The following VIPR2 variants were observed in gnomAD, a reference collection of about 807,000 sequenced individuals.
VIPR2 encodes vasoactive intestinal peptide receptor 2, also known as vasoactive intestinal polypeptide receptor 2.
VIPR2 carries 48 observed loss-of-function variants against 58.0 expected under a neutral mutation model. That is an observed-to-expected ratio of 0.83 (90% CI 0.66 to 1.05). The LOEUF is 1.05. VIPR2 is among the 50% of genes least tolerant of loss of function. VIPR2 has a pLI of 0.00. For synonymous variants in VIPR2, 243 were observed against 235.2 expected, an observed-to-expected ratio of 1.03 and a Z score of -0.30; for missense variants, 534 against 558.0, an observed-to-expected ratio of 0.96 and a Z score of 0.43.
intron 5 of VIPR2, among the ~76,000 whole-genome samples, chr7:159,048,633 A>G (rs912214041): frequency 1.3e-5 from 2 of 151,764 alleles, no homozygotes; most frequent in South Asian, 4.1e-4. Flanking sequence ...TGGATCTGAC[A>G]ACTTTAATGT....
chr7:159,071,658 C>G (rs1856399777), intron 4 of VIPR2, among the ~76,000 whole-genome samples: 1 of 152,314 alleles, frequency 6.6e-6, no homozygotes, highest in South Asian at 2.1e-4. Flanking sequence ...AGAGTTTTCT[C>G]TTTAACTTTA....
At chr7:159,064,030 T>A (rs552219004) in intron 4 of VIPR2, among the ~76,000 whole-genome samples, 1 of 152,024 alleles carries the variant, frequency 6.6e-6, no homozygotes, top group East Asian at 1.9e-4. Flanking sequence ...AGGCGTCCCC[T>A]GAGACTTCCT....
rs543154509 is a variant in VIPR2 at position 159,099,060 on chromosome 7, G to C, written c.357+4697C>G. On this transcript the variant is annotated intron_variant, in intron 4 of 12. Transcript: ENST00000262178. The surrounding 1 kb of genome is among the most constrained non-coding windows in gnomAD (Gnocchi z 4.2). Reference sequence around the variant, plus strand: ...CGCCTGTGCTATGTGCTGTTGCTTCGTCTTGGAAGCGAGTCCCTAAACCAA... The same window carrying C: ...CGCCTGTGCTATGTGCTGTTGCTTCCTCTTGGAAGCGAGTCCCTAAACCAA... Among the ~76,000 whole-genome samples, 1 of 152,366 alleles carries C rather than the reference G, an allele frequency of 6.6e-6. No individual in the cohort carries two copies. Among genetic ancestry groups the C allele is most frequent in the Admixed American group, 6.5e-5 (1 of 15,308 alleles).
intron 2 of VIPR2, 112 bp downstream of exon 2, chr7:159,142,334 T>C (rs1370190963): frequency 6.4e-6 from 5 of 779,544 alleles, no homozygotes; most frequent in Admixed American, 5.1e-5. Context: ...GGCCTTTCTT[T>C]TTCTTTTTTT....
At chr7:159,065,758 G>C (rs372064778) in intron 4 of VIPR2, among the ~76,000 whole-genome samples, 7 of 152,216 alleles carry the variant, frequency 4.6e-5, no homozygotes, top group Admixed American at 2.0e-4. Flanking sequence ...TCCGGTCTCA[G>C]AAACCCTCCG....
chr7:159,068,630 AAGC>A (rs1314092817), intron 4 of VIPR2, among the ~76,000 whole-genome samples: 1 of 152,232 alleles, frequency 6.6e-6, no homozygotes, highest in Non-Finnish European at 1.5e-5. Context: ...GTGAGGGAGA[AAGC>A]AGATCCCGCT....
intron 5 of VIPR2, among the ~76,000 whole-genome samples, chr7:159,051,970 A>G (rs1855036048): frequency 6.6e-6 from 1 of 152,216 alleles, no homozygotes; most frequent in Non-Finnish European, 1.5e-5. Flanking sequence ...TAAAACAATC[A>G]GTAAAGATTT....
chr7:159,042,843 G>T (rs1487806752), intron 6 of VIPR2, among the ~76,000 whole-genome samples, 192 bp downstream of exon 6: 1 of 152,104 alleles, frequency 6.6e-6, no homozygotes, highest in Non-Finnish European at 1.5e-5. Context: ...CTGCCTCAGT[G>T]CCACCCCCAT....
At position 159,031,604 on chromosome 7, in the gene VIPR2, T is replaced by C. The variant is rs1394314610; in HGVS notation, c.1143+224A>G. ...GAGACGGACGGCAGTCGATGCTACTTAGGGTGGACGGAAGGACGGCGGGGT... is the reference window on the plus strand; with the variant it reads ...GAGACGGACGGCAGTCGATGCTACTCAGGGTGGACGGAAGGACGGCGGGGT... On this transcript the variant is annotated intron_variant, in intron 12 of 12. Transcript: ENST00000262178. The surrounding 1 kb of genome is among the most constrained non-coding windows in gnomAD (Gnocchi z 4.0). The C allele has an allele frequency of 2.0e-6, 2 of 985,140 alleles. No individual in the cohort carries two copies. The highest frequency in any genetic ancestry group is 3.5e-5 in the African/African-American group (2 of 57,184). 61.0% of individuals were successfully genotyped at this position (985,140 alleles called of 1,614,324 possible).
intron 3 of VIPR2, among the ~76,000 whole-genome samples, chr7:159,106,055 G>A (rs138762006): frequency 5.9e-5 from 9 of 152,262 alleles, no homozygotes; most frequent in Middle Eastern, 3.4e-3. Flanking sequence ...ACTGGTGAGC[G>A]ATGGGCCAAG....
chr7:159,074,970 TCTATGTCTATGAAAAGTG>T (rs1402336450), intron 4 of VIPR2, among the ~76,000 whole-genome samples: 1 of 152,258 alleles, frequency 6.6e-6, no homozygotes, highest in African/African-American at 2.4e-5. Flanking sequence ...CAGGAGTGTC[TCTATGTCTATGAAAAGTG>T]AACTCAATGA....
rs771162731 is a variant in VIPR2 at position 159,036,011 on chromosome 7, G to C, written c.750C>G (p.Gly250=). Residue 250 remains glycine, a splice_region_variant and synonymous_variant, in exon 8 of 13, where the codon GGC becomes GGG. Coordinates refer to ENST00000262178, the MANE Select transcript of VIPR2 (RefSeq NM_003382.5). ...ATGCACCGATGCAGACGGTGGGGAGGCCTGCAGAGAGACGCCTGGTTACAC... is the reference window on the plus strand; with the variant it reads ...ATGCACCGATGCAGACGGTGGGGAGCCCTGCAGAGAGACGCCTGGTTACAC... The part of the protein sequence containing the change: ...CFLAYLLIGW[G]LPTVCIGAWT... The C allele has an allele frequency of 1.2e-6, 2 of 1,613,024 alleles. No individual in the cohort carries two copies. The highest frequency in any genetic ancestry group is 1.1e-5 in the South Asian group (1 of 90,896).
chr7:159,062,250 G>A lies in VIPR2; in HGVS notation c.358-3672C>T, dbSNP rs186232867. On this transcript the variant is annotated intron_variant, in intron 4 of 12. Transcript: ENST00000262178. ...GTCACAGCCACAGCAGCCCGCAGGT[G>A]AGAGAGCAGCGCCAGCCTCGGGCTC... 1.6e-4 allele frequency among the ~76,000 whole-genome samples: 25 copies of A among 152,318 alleles called. 1 individual carries two copies. The East Asian group carries it at 4.5e-3, about 27-fold the overall frequency.
intron 2 of VIPR2, among the ~76,000 whole-genome samples, chr7:159,111,008 G>T (rs1795978169): frequency 6.6e-6 from 1 of 152,134 alleles, no homozygotes; most frequent in South Asian, 2.1e-4. Context: ...CATATTTAAA[G>T]AAAATGTTGG....
chr7:159,129,143 G>A (rs1388481874), intron 2 of VIPR2, among the ~76,000 whole-genome samples: 1 of 99,700 alleles, frequency 1.0e-5, no homozygotes, highest in Non-Finnish European at 2.1e-5. Context: ...GGCCTCTGGG[G>A]GGGACAGGGC....
intron 4 of VIPR2, among the ~76,000 whole-genome samples, chr7:159,086,522 G>A (rs963037326): frequency 2.0e-5 from 3 of 152,258 alleles, no homozygotes; most frequent in Non-Finnish European, 2.9e-5. Context: ...AAGGGCTGAG[G>A]CTGGGGCCTG....
At chr7:159,142,010 C>G (rs797005994) in intron 2 of VIPR2, among the ~76,000 whole-genome samples, 1 of 152,244 alleles carries the variant, frequency 6.6e-6, no homozygotes, top group South Asian at 2.1e-4. Context: ...TCAGCACAAC[C>G]AAAGTCCCAT....
At chr7:159,064,469 T>C (rs944478608) in intron 4 of VIPR2, among the ~76,000 whole-genome samples, 1 of 151,926 alleles carries the variant, frequency 6.6e-6, no homozygotes, top group African/African-American at 2.4e-5. Context: ...GTGAGGATGA[T>C]GGCGGGGTGA....
At chr7:159,063,213 G>A (rs1338493446) in intron 4 of VIPR2, among the ~76,000 whole-genome samples, 3 of 152,088 alleles carry the variant, frequency 2.0e-5, no homozygotes, top group Non-Finnish European at 4.4e-5. Context: ...GAGGCTAGAC[G>A]GTGCAGGAGT....
Sources: gnomAD v4.1 joint callset for allele counts (sites outside exome capture counted in the v4.1 genomes callset) on GRCh38, gnomAD v4.1.1 for gene constraint, Gnocchi (gnomAD v3.1) non-coding constraint, MANE v1.5 for transcripts, NCBI Gene and HGNC (gene_info 2026-07-23, HGNC 2026-07-21) for gene names.